The following PSD3 variants were observed in gnomAD, a reference collection of about 807,000 sequenced individuals.
PSD3 encodes the protein pleckstrin and Sec7 domain containing 3.
In PSD3, 49 loss-of-function variants were observed where a neutral mutation model predicts 105.5. The observed-to-expected ratio is 0.46, with a 90% CI of 0.37 to 0.59. PSD3 has a LOEUF of 0.59. PSD3 is among the 20% of genes least tolerant of loss of function. The pLI is 0.00. For synonymous variants in PSD3, 557 were observed against 457.8 expected (o/e 1.22, Z -2.77); for missense variants, 1,561 against 1,263.8 (o/e 1.24, Z -3.57).
chr8:18,948,905 G>T (rs890129313), intron 1 of PSD3, among the ~76,000 whole-genome samples: 2 of 151,818 alleles, frequency 1.3e-5, no homozygotes, highest in Non-Finnish European at 2.9e-5. Context: ...TATATCTCTA[G>T]TTCCCTTAAC....
chr8:18,992,172 A>C (rs1825841162), intron 1 of PSD3, among the ~76,000 whole-genome samples: 1 of 152,168 alleles, frequency 6.6e-6, no homozygotes. Context: ...TTATATAACT[A>C]ATAAGGATCA....
chr8:18,943,322 T>C (rs1822670764), intron 1 of PSD3, among the ~76,000 whole-genome samples: 1 of 152,240 alleles, frequency 6.6e-6, no homozygotes, highest in Admixed American at 6.5e-5. Flanking sequence ...CACTGTTGTT[T>C]ATTTCTGGGT....
At chr8:18,980,236 G>C (rs1019587228) in intron 1 of PSD3, among the ~76,000 whole-genome samples, 2 of 152,208 alleles carry the variant, frequency 1.3e-5, no homozygotes, top group African/African-American at 4.8e-5. Flanking sequence ...CCAGACCTGA[G>C]TAACCCAGAC....
intron 2 of PSD3, among the ~76,000 whole-genome samples, chr8:18,900,829 C>A (rs1415844772): frequency 6.6e-6 from 1 of 151,960 alleles, no homozygotes; most frequent in Admixed American, 6.6e-5. Context: ...ACATAATTTA[C>A]TGGACAGATG....
At chr8:18,858,270 A>G (rs1816179210) in intron 4 of PSD3, among the ~76,000 whole-genome samples, 1 of 152,222 alleles carries the variant, frequency 6.6e-6, no homozygotes, top group Non-Finnish European at 1.5e-5. Flanking sequence ...TTGTCTAAAA[A>G]CAACAGTGTA....
chr8:18,761,414 A>G (rs1806526773), intron 9 of PSD3, among the ~76,000 whole-genome samples: 1 of 152,176 alleles, frequency 6.6e-6, no homozygotes, highest in South Asian at 2.1e-4. Flanking sequence ...TAATATCAAA[A>G]ATAAAAAGTT....
At chr8:18,900,545 TC>T (rs748328657) in intron 2 of PSD3, among the ~76,000 whole-genome samples, 31 of 151,984 alleles carry the variant, frequency 2.0e-4, no homozygotes, top group Admixed American at 5.9e-4. Context: ...ACTTCCAGCA[TC>T]ACTAGTGGTA....
At chr8:18,934,064 T>G (rs1437395425) in intron 2 of PSD3, among the ~76,000 whole-genome samples, 1 of 152,220 alleles carries the variant, frequency 6.6e-6, no homozygotes, top group Non-Finnish European at 1.5e-5. Flanking sequence ...TAATAAATAT[T>G]CACTTTTTAA....
chr8:18,862,981 C>A (rs191856260), intron 4 of PSD3, among the ~76,000 whole-genome samples: 18 of 151,804 alleles, frequency 1.2e-4, no homozygotes, highest in Non-Finnish European at 2.6e-4. Context: ...ATCAGCTGCA[C>A]GCAGATGTAA....
rs148566153 is a variant in PSD3 at position 18,701,255 on chromosome 8, T to G, written c.2173-45570A>C. Among the ~76,000 whole-genome samples the G allele has an allele frequency of 3.9e-4, 60 of 152,082 alleles. 2 individuals are homozygous for G. Among genetic ancestry groups the G allele is most frequent in the African/African-American group, 1.4e-3 (58 of 41,500 alleles). On this transcript the variant is annotated intron_variant, in intron 9 of 15. Transcript: ENST00000327040. The stretch of plus-strand genomic sequence containing the variant: ...CAAATTCTGAGATTACAGGTGCAAG[T>G]CACTGTGACTGGCCACATGAAACAT...
intron 1 of PSD3, among the ~76,000 whole-genome samples, chr8:19,057,405 C>T (rs1828745393): frequency 6.6e-6 from 1 of 152,168 alleles, no homozygotes; most frequent in African/African-American, 2.4e-5. Context: ...ACACAATTAA[C>T]CCTTCAGTTT....
intron 2 of PSD3, among the ~76,000 whole-genome samples, chr8:18,925,906 T>TA (rs1821331924): frequency 6.6e-6 from 1 of 152,162 alleles, no homozygotes; most frequent in African/African-American, 2.4e-5. Context: ...CTTATCTTTT[T>TA]AAAAAAATTT....
chr8:18,771,465 T>G (rs1161238846), intron 8 of PSD3, among the ~76,000 whole-genome samples: 3 of 152,240 alleles, frequency 2.0e-5, no homozygotes, highest in Admixed American at 2.0e-4. Context: ...CCAAAAAATT[T>G]TGTAGCATTA....
chr8:18,804,097 T>C (rs559968484), intron 6 of PSD3, among the ~76,000 whole-genome samples: 8 of 152,324 alleles, frequency 5.3e-5, no homozygotes, highest in Admixed American at 1.3e-4. Flanking sequence ...GTTAAATGAA[T>C]ACGTTTTTCT....
chr8:18,840,222 C>T (rs1814503265), intron 4 of PSD3, among the ~76,000 whole-genome samples: 1 of 152,182 alleles, frequency 6.6e-6, no homozygotes, highest in African/African-American at 2.4e-5. Context: ...ACATCATTCT[C>T]AGCAGCTAAG....
intron 11 of PSD3, among the ~76,000 whole-genome samples, chr8:18,624,589 T>C: frequency 6.9e-6 from 1 of 145,722 alleles, no homozygotes. Flanking sequence ...TAATGCTAAA[T>C]GACGAGTTAA....
At chr8:18,813,664 G>A (rs1811914174) in intron 4 of PSD3, among the ~76,000 whole-genome samples, 1 of 152,198 alleles carries the variant, frequency 6.6e-6, no homozygotes, top group South Asian at 2.1e-4. Context: ...GCAATTATCT[G>A]CTGGAGAACT....
At chr8:18,588,977 G>A (rs1803399566) in intron 12 of PSD3, among the ~76,000 whole-genome samples, 1 of 152,190 alleles carries the variant, frequency 6.6e-6, no homozygotes, top group African/African-American at 2.4e-5. Context: ...TTTGCCAAAG[G>A]CAGCTATGCC....
At chr8:19,018,041 T>A (rs556590460), upstream of PSD3, among the ~76,000 whole-genome samples, 167 of 152,288 alleles carry the variant, frequency 1.1e-3, no homozygotes, top group Non-Finnish European at 1.9e-3. Context: ...TTCTAATTTC[T>A]CCACATCCTC....
Sources: gnomAD v4.1 joint callset for allele counts (sites outside exome capture counted in the v4.1 genomes callset) on GRCh38, gnomAD v4.1.1 for gene constraint, MANE v1.5 for transcripts, NCBI Gene and HGNC (gene_info 2026-07-23, HGNC 2026-07-21) for gene names.